The following AGBL2 variants were observed in gnomAD, a reference collection of about 807,000 sequenced individuals.
AGBL2 encodes AGBL carboxypeptidase 2, also known as cytosolic carboxypeptidase 2.
AGBL2 carries 87 observed loss-of-function variants against 103.0 expected under a neutral mutation model. The ratio of observed to expected loss-of-function variants is 0.84; its 90% CI spans 0.71 to 1.01. The LOEUF is 1.01. AGBL2 is among the 50% of genes least tolerant of loss of function. AGBL2 has a pLI of 0.00. For synonymous variants in AGBL2, 335 were observed against 356.7 expected, an observed-to-expected ratio of 0.94 and a Z score of 0.69; for missense variants, 904 against 1,023.5, an observed-to-expected ratio of 0.88 and a Z score of 1.59.
rs762516134 is a variant in AGBL2, at chr11:47,667,582, C to T, written c.2329G>A (p.Glu777Lys). 2 of 1,613,908 alleles carry T rather than the reference C, an allele frequency of 1.2e-6. No individual in the cohort carries two copies. The highest frequency in any genetic ancestry group is 2.7e-5 in the African/African-American group (2 of 74,928). The change falls in exon 16 of 19, where the codon GAA becomes AAA. Residue 777 changes from glutamate (E) to lysine (K), a missense_variant. Coordinates refer to ENST00000525123, the MANE Select transcript of AGBL2 (RefSeq NM_024783.4). ...CAAGTCTTTCTTACTGAGGTATCTT[C>T]TGTTAACTTTAACTTCTGCATCAAA... is the stretch of plus-strand genomic sequence containing the variant. ...KNLMQKLKLT[E>K]DTSEKAGFAS...
At chr11:47,661,426 T>C (rs1012260028) in intron 18 of AGBL2, among the ~76,000 whole-genome samples, 1 of 152,200 alleles carries the variant, frequency 6.6e-6, no homozygotes, top group African/African-American at 2.4e-5. Context: ...TTTTCGCCGC[T>C]CTTCATTTTC....
rs2153804951 is a variant in AGBL2 at position 47,700,880 on chromosome 11, T to C, written c.587-1327A>G. 2.0e-5 allele frequency among the ~76,000 whole-genome samples: 3 copies of C among 151,520 alleles called. No homozygotes were observed. In the East Asian group the frequency reaches 5.9e-4, roughly 30 times the overall value. ...ATCGAGACCAGCCTGGCCAACACGG[T>C]GAAACCCCGTCTCTATTAAAAAATA... On this transcript the variant is annotated intron_variant, in intron 7 of 18. Coordinates refer to ENST00000525123, the MANE Select transcript of AGBL2 (RefSeq NM_024783.4).
chr11:47,692,390 CAG>C, intron 8 of AGBL2, 134 bp from the exon 9 acceptor site: 2 of 414,664 alleles, frequency 4.8e-6, no homozygotes, highest in Non-Finnish European at 8.4e-6. Context: ...ACTATCTTTG[CAG>C]AGACTTTTAA....
intron 13 of AGBL2, 68 bp downstream of exon 13, chr11:47,679,905 G>A: frequency 9.7e-7 from 1 of 1,034,846 alleles, no homozygotes; most frequent in Non-Finnish European, 1.5e-6. Context: ...GCCTCCCAAA[G>A]TGCTAGGATT....
intron 15 of AGBL2, among the ~76,000 whole-genome samples, chr11:47,668,190 C>G (rs763343293): frequency 2.2e-4 from 26 of 119,910 alleles, no homozygotes; most frequent in Non-Finnish European, 3.9e-4. Flanking sequence ...GCCTAGGCGA[C>G]AGAGTGAGAC....
In AGBL2 at chr11:47,705,890, T is replaced by C; in HGVS notation, c.260A>G (p.His87Arg). Residue 87 changes from histidine to arginine, a missense_variant, in exon 5 of 19, where the codon CAC (histidine) becomes CGC (arginine). Physicochemically the swap from His to Arg is conservative, Grantham distance 29. Coordinates refer to ENST00000525123, the MANE Select transcript of AGBL2 (RefSeq NM_024783.4). Reference protein sequence around the residue: ...LWPISLSSAVHRQIEAINRDF... With the variant: ...LWPISLSSAVRRQIEAINRDF... Reference sequence around the variant, plus strand: ...TCTGTTGATGGCTTCTATCTGTCTGTGCACAGCTGAAGATAAACTGATAGG... The same window carrying C: ...TCTGTTGATGGCTTCTATCTGTCTGCGCACAGCTGAAGATAAACTGATAGG... The C allele has an allele frequency of 6.2e-7, 1 of 1,614,052 alleles. No homozygotes were observed. The highest frequency in any genetic ancestry group is 8.5e-7 in the Non-Finnish European group (1 of 1,180,012).
chr11:47,704,522 A>G (rs770125364), intron 7 of AGBL2, 21 bp downstream of exon 7: 2 of 1,564,644 alleles, frequency 1.3e-6, no homozygotes, highest in Non-Finnish European at 1.7e-6. Context: ...TAGCAAGACC[A>G]CTGTGAGTAA....
intron 14 of AGBL2, among the ~76,000 whole-genome samples, chr11:47,672,014 A>C (rs1266112871): frequency 6.6e-6 from 1 of 152,220 alleles, no homozygotes; most frequent in East Asian, 1.9e-4. Flanking sequence ...ATTGGGTTCA[A>C]TAATTCTTAA....
intron 17 of AGBL2, 53 bp from the exon 18 acceptor site, chr11:47,663,165 T>TA: frequency 9.4e-7 from 1 of 1,063,584 alleles, no homozygotes. Flanking sequence ...CAAGTGTGAT[T>TA]ACAGTGAATA....
At chr11:47,714,494 T>C in intron 2 of AGBL2, 124 bp downstream of exon 2, 1 of 1,346,752 alleles carries the variant, frequency 7.4e-7, no homozygotes, top group Non-Finnish European at 1.1e-6. Context: ...GGGATCAAGA[T>C]CTCCAGCTGA....
chr11:47,706,062 GGGAAATAAAA>G (rs1369520134), intron 4 of AGBL2, 145 bp from the exon 5 acceptor site: 6 of 675,338 alleles, frequency 8.9e-6, no homozygotes, highest in Non-Finnish European at 1.6e-5. Flanking sequence ...ACTTTAATGG[GGGAAATAAAA>G]GGAAATAAAC....
intron 8 of AGBL2, among the ~76,000 whole-genome samples, chr11:47,696,025 A>AG (rs2097470017): frequency 3.0e-5 from 1 of 33,262 alleles, no homozygotes; most frequent in African/African-American, 1.2e-4. Context: ...AAAAAAAAAA[A>AG]AAAAAAAAAA....
intron 14 of AGBL2, among the ~76,000 whole-genome samples, chr11:47,674,435 C>T (rs1200261106): frequency 6.6e-6 from 1 of 151,256 alleles, no homozygotes; most frequent in Non-Finnish European, 1.5e-5. Context: ...GGCGTGGTGG[C>T]GTGCACCTGT....
chr11:47,707,679 CT>C (rs1379024842), intron 4 of AGBL2, among the ~76,000 whole-genome samples: 46 of 152,158 alleles, frequency 3.0e-4, no homozygotes, highest in Non-Finnish European at 1.5e-5. Flanking sequence ...TCCTAAAAGT[CT>C]ACTTACTCAC....
At chr11:47,681,589 T>G (rs1205613035) in intron 12 of AGBL2, among the ~76,000 whole-genome samples, 2 of 152,106 alleles carry the variant, frequency 1.3e-5, no homozygotes, top group Admixed American at 1.3e-4. Flanking sequence ...TGCCTCAACC[T>G]CCAGAGTAGC....
At chr11:47,685,744 G>A (rs541684720) in intron 11 of AGBL2, 149 bp downstream of exon 11, 31 of 869,046 alleles carry the variant, frequency 3.6e-5, no homozygotes, top group African/African-American at 3.4e-5. Flanking sequence ...TTAAAACCAC[G>A]CTTTTCTAAA....
At chr11:47,666,892 G>A in intron 17 of AGBL2, 64 bp downstream of exon 17, 1 of 1,024,944 alleles carries the variant, frequency 9.8e-7, no homozygotes, top group Non-Finnish European at 1.5e-6. Context: ...CATTGTGGGA[G>A]AGAGGTGCTA....
At position 47,663,081 on chromosome 11, in the gene AGBL2, G is replaced by A. The variant is rs1251993274; in HGVS notation, c.2480C>T (p.Pro827Leu). Residue 827 changes from proline (P) to leucine (L), a missense_variant, in exon 18 of 19, where the codon CCC becomes CTC. Transcript: ENST00000525123. ...TNLNRRDKDT[P>L]LDPSMATLIL... ...CAGGGTGGCCATTGATGGGTCCAGGGGGGTGTCTTTGTCTCTTCTATTTAA... is the reference window on the plus strand; with the variant it reads ...CAGGGTGGCCATTGATGGGTCCAGGAGGGTGTCTTTGTCTCTTCTATTTAA... 2 of 1,597,326 alleles carry A rather than the reference G, an allele frequency of 1.3e-6. No individual in the cohort carries two copies. The highest frequency in any genetic ancestry group is 1.7e-6 in the Non-Finnish European group (2 of 1,176,556).
intron 4 of AGBL2, among the ~76,000 whole-genome samples, chr11:47,708,552 A>G (rs1212628135): frequency 6.6e-6 from 1 of 150,768 alleles, no homozygotes; most frequent in Non-Finnish European, 1.5e-5. Flanking sequence ...ACAGTGGCTC[A>G]TGCCTGTAAT....
Sources: allele counts gnomAD v4.1 joint callset (sites outside exome capture counted in the v4.1 genomes callset), GRCh38; gene constraint gnomAD v4.1.1; transcripts MANE v1.5; gene names NCBI Gene and HGNC (gene_info 2026-07-23, HGNC 2026-07-21).